The following ZBTB49 variants were observed in gnomAD, a reference collection of about 807,000 sequenced individuals.
The protein encoded by ZBTB49 is zinc finger and BTB domain-containing protein 49.
ZBTB49 carries 43 observed loss-of-function variants against 57.5 expected under a neutral mutation model. That is an observed-to-expected ratio of 0.75 (90% CI 0.59 to 0.97). The LOEUF is 0.97. ZBTB49 is among the 50% of genes least tolerant of loss of function. ZBTB49 has a pLI of 0.00. For synonymous variants in ZBTB49, 369 were observed against 362.1 expected (o/e 1.02, Z -0.22); for missense variants, 938 against 947.7 (o/e 0.99, Z 0.13).
chr4:4,301,999 C>G lies in ZBTB49; in HGVS notation c.163C>G (p.Gln55Glu), dbSNP rs1560107356. The G allele has an allele frequency of 6.5e-7, 1 of 1,529,670 alleles. No individual in the cohort carries two copies. Among genetic ancestry groups the G allele is most frequent in the African/African-American group, 1.4e-5 (1 of 72,454 alleles). 94.8% of individuals were successfully genotyped at this position (1,529,670 alleles called of 1,614,324 possible). ...TCTTTCTTTTACCAGGAGCCTCTTTCAGAATTCTTCAAGCCAGAAGAATGA... is the reference window on the plus strand; with the variant it reads ...TCTTTCTTTTACCAGGAGCCTCTTTGAGAATTCTTCAAGCCAGAAGAATGA... ...AFSQYFRSLF[Q>E]NSSSQKNDVF... The change falls in exon 3 of 8, where the codon CAG becomes GAG. Residue 55 changes from glutamine (Q) to glutamate (E), a missense_variant. This residue lies in a region of ZBTB49 where 100 missense variants were observed against 112.5 expected (regional missense o/e 0.89). Transcript: ENST00000337872.
chr4:4,312,873 C>G (rs1479655634), intron 4 of ZBTB49, among the ~76,000 whole-genome samples, 168 bp from the exon 5 acceptor site: 2 of 152,186 alleles, frequency 1.3e-5, no homozygotes, highest in Non-Finnish European at 2.9e-5. Flanking sequence ...ACTCTGGCTG[C>G]TCTTCACGCT....
At position 4,317,671 on chromosome 4, in the gene ZBTB49, C is replaced by T. The variant is rs138735102; in HGVS notation, c.1621+1701C>T. On this transcript the variant is annotated intron_variant, in intron 7 of 7. Transcript: ENST00000337872. ...TTGTGTGGGGGTGTGTTTCCATTTT[C>T]TTGGATATATAGACAGTTCTCTTTT... 1.6e-4 allele frequency among the ~76,000 whole-genome samples: 25 copies of T among 152,104 alleles called. No homozygotes were observed. The East Asian group carries it at 4.8e-3, about 29-fold the overall frequency.
At chr4:4,291,738 G>C (rs1719935180) in intron 1 of ZBTB49, among the ~76,000 whole-genome samples, 1 of 152,146 alleles carries the variant, frequency 6.6e-6, no homozygotes, top group Non-Finnish European at 1.5e-5. Context: ...CATTTTTTTA[G>C]TCTGGCAAAC....
chr4:4,320,911 A>G lies in ZBTB49; in HGVS notation c.1893A>G (p.Lys631=), dbSNP rs138109072. ...TGACGCTGATGCCAGTGTCGGTTAA[A>G]CTCCCTGTCCACCCAGTGGAAAATT... ...TSVTLMPVSV[K]LPVHPVENSV... Residue 631 remains lysine (K), a synonymous_variant, in exon 8 of 8, where the codon AAA becomes AAG. Coordinates refer to ENST00000337872, the MANE Select transcript of ZBTB49 (RefSeq NM_145291.4). The G allele has an allele frequency of 1.4e-5, 23 of 1,613,728 alleles. No homozygotes were observed. The highest frequency in any genetic ancestry group is 1.9e-5 in the Non-Finnish European group (22 of 1,180,000).
rs10626183 is a variant in ZBTB49, at chr4:4,294,872, C to CGTGTGTGTGT, written c.-20+4555_-20+4564dup. ...TTAACAGGTCTGTGGAGGAGGGTTT[C>CGTGTGTGTGT]GTGTGTGTGTGTGTGTGTGTGTGTG... On this transcript the variant is annotated intron_variant, in intron 1 of 7. Coordinates refer to ENST00000337872, the MANE Select transcript of ZBTB49 (RefSeq NM_145291.4). Among the ~76,000 whole-genome samples, 1,184 of 138,086 alleles carry CGTGTGTGTGT rather than the reference C, an allele frequency of 8.6e-3. 5 individuals are homozygous for CGTGTGTGTGT. The highest frequency in any genetic ancestry group is 0.011 in the Non-Finnish European group (728 of 63,832). 90.6% of individuals were successfully genotyped at this position (138,086 alleles called of 152,430 possible).
chr4:4,320,768 A>T lies in ZBTB49; in HGVS notation c.1750A>T (p.Met584Leu), dbSNP rs1010654568. The part of the protein sequence containing the change: ...RSAVLRRHKK[M>L]HCKAGDESPD... ...TGCGGTGCTCCGGCGGCACAAGAAGATGCACTGCAAAGCTGGTGACGAGAG... is the reference window on the plus strand; with the variant it reads ...TGCGGTGCTCCGGCGGCACAAGAAGTTGCACTGCAAAGCTGGTGACGAGAG... The change falls in exon 8 of 8, where the codon ATG becomes TTG. Residue 584 changes from methionine to leucine, a missense_variant. Physicochemically the swap from Met to Leu is conservative, Grantham distance 15. This residue lies in a region of ZBTB49 where 835 missense variants were observed against 819.1 expected (regional missense o/e 1.02). Coordinates refer to ENST00000337872, the MANE Select transcript of ZBTB49 (RefSeq NM_145291.4). The T allele has an allele frequency of 6.2e-7, 1 of 1,614,206 alleles. No individual in the cohort carries two copies. Among genetic ancestry groups the T allele is most frequent in the African/African-American group, 1.3e-5 (1 of 75,046 alleles).
At position 4,302,989 on chromosome 4, in the gene ZBTB49, C is replaced by A. The variant is rs1224043611; in HGVS notation, c.1153C>A (p.Gln385Lys). The change falls in exon 3 of 8, where the codon CAG (glutamine) becomes AAG (lysine). Residue 385 changes from glutamine to lysine, a missense_variant. Coordinates refer to ENST00000337872, the MANE Select transcript of ZBTB49 (RefSeq NM_145291.4). ...TGAAGACCCGGCTGCCCTGGAAGAC[C>A]AGTCCCAGACACTTCAGTCCCAGAG... ...RPEDPAALED[Q>K]SQTLQSQRQY... 26 of 1,614,204 alleles carry A rather than the reference C, an allele frequency of 1.6e-5. No individual in the cohort carries two copies. Among genetic ancestry groups the A allele is most frequent in the Non-Finnish European group, 2.1e-5 (25 of 1,180,034 alleles).
chr4:4,315,143 C>T (rs760685532), intron 5 of ZBTB49, among the ~76,000 whole-genome samples: 5 of 152,186 alleles, frequency 3.3e-5, no homozygotes, highest in Non-Finnish European at 7.3e-5. Flanking sequence ...GTGAAAAGAG[C>T]GAGAGTCGCA....
Position 4,310,424 on chromosome 4 carries a change from G to A in ZBTB49, c.1303-2617G>A, listed in dbSNP as rs1720934965. Among the ~76,000 whole-genome samples, 4 of 151,912 alleles carry A rather than the reference G, an allele frequency of 2.6e-5. No homozygotes were observed. In the South Asian group the frequency reaches 8.3e-4, roughly 32 times the overall value. On this transcript the variant is annotated intron_variant, in intron 4 of 7. Coordinates refer to ENST00000337872, the MANE Select transcript of ZBTB49 (RefSeq NM_145291.4). ...CTTTACAAGACATTGTGATGACTAAGTTAAATACTCTTCGCAACGGTTTAG... is the reference window on the plus strand; with the variant it reads ...CTTTACAAGACATTGTGATGACTAAATTAAATACTCTTCGCAACGGTTTAG...
chr4:4,300,998 TAG>T (rs1352723895), intron 2 of ZBTB49, among the ~76,000 whole-genome samples: 1 of 152,222 alleles, frequency 6.6e-6, no homozygotes, highest in Non-Finnish European at 1.5e-5. Context: ...AGTTATTGTA[TAG>T]ACCACATTAC....
At chr4:4,307,942 C>G (rs1186337194) in intron 4 of ZBTB49, among the ~76,000 whole-genome samples, 2 of 152,174 alleles carry the variant, frequency 1.3e-5, no homozygotes, top group African/African-American at 4.8e-5. Context: ...CCATAGCTGA[C>G]CATATAAGTT....
chr4:4,304,880 A>C (rs1025990229), intron 3 of ZBTB49, among the ~76,000 whole-genome samples: 1 of 152,124 alleles, frequency 6.6e-6, no homozygotes, highest in African/African-American at 2.4e-5. Flanking sequence ...TTTCATTTCC[A>C]GTATGGTAGA....
chr4:4,320,717 A>G lies in ZBTB49; in HGVS notation c.1699A>G (p.Ile567Val), dbSNP rs758449141. ...TGGGGAGAAGCCGTACACATGTGAGATCTGTAACAAGTGCTTTACCCGCTC... is the reference window on the plus strand; with the variant it reads ...TGGGGAGAAGCCGTACACATGTGAGGTCTGTAACAAGTGCTTTACCCGCTC... ...HTGEKPYTCE[I>V]CNKCFTRSAV... Residue 567 changes from isoleucine to valine, a missense_variant, in exon 8 of 8, where the codon ATC becomes GTC. Ile to Val is a conservative substitution (Grantham distance 29). Around this residue, in one of 3 missense-constraint regions of ZBTB49, gnomAD observed 835 missense variants for 819.1 expected, o/e 1.02. Coordinates refer to ENST00000337872, the MANE Select transcript of ZBTB49 (RefSeq NM_145291.4). 1.9e-6 allele frequency: 3 copies of G among 1,614,154 alleles called. No individual in the cohort carries two copies. The highest frequency in any genetic ancestry group is 8.5e-7 in the Non-Finnish European group (1 of 1,180,026).
chr4:4,299,950 A>G lies in ZBTB49; in HGVS notation c.5A>G (p.Asp2Gly). The G allele has an allele frequency of 6.2e-7, 1 of 1,614,046 alleles. No individual in the cohort carries two copies. The highest frequency in any genetic ancestry group is 1.1e-5 in the South Asian group (1 of 91,084). The change falls in exon 2 of 8, where the codon GAC (aspartate) becomes GGC (glycine). Residue 2 changes from aspartate (D) to glycine (G), a missense_variant. Coordinates refer to ENST00000337872, the MANE Select transcript of ZBTB49 (RefSeq NM_145291.4). The part of the protein sequence containing the change: M[D>G]PVATHSCHLL... ...AGGTCACCTGAATGGTTGAGCATGG[A>G]CCCTGTTGCTACCCACAGCTGCCAT...
chr4:4,314,778 A>C (rs1721118560), intron 5 of ZBTB49, among the ~76,000 whole-genome samples: 1 of 152,222 alleles, frequency 6.6e-6, no homozygotes, highest in South Asian at 2.1e-4. Context: ...TCCACATCTG[A>C]GGGCTTGGGT....
Position 4,315,719 on chromosome 4 carries a change from G to A in ZBTB49, c.1459+1G>A. On this transcript the variant is annotated splice_donor_variant, in intron 6 of 7. Coordinates refer to ENST00000337872, the MANE Select transcript of ZBTB49 (RefSeq NM_145291.4). LOFTEE classifies it high-confidence loss of function. ...CACTTGTGTGACATCTGTGGTCGAGGTACAGCTGAGTGTTTTCCTATTCTT... is the reference window on the plus strand; with the variant it reads ...CACTTGTGTGACATCTGTGGTCGAGATACAGCTGAGTGTTTTCCTATTCTT... 4 of 1,613,568 alleles carry A rather than the reference G, an allele frequency of 2.5e-6. No homozygotes were observed. Among genetic ancestry groups the A allele is most frequent in the Non-Finnish European group, 3.4e-6 (4 of 1,180,008 alleles).
Position 4,296,653 on chromosome 4 carries a change from C to T in ZBTB49, c.-19-3274C>T, listed in dbSNP as rs150726366. 8.8e-3 allele frequency among the ~76,000 whole-genome samples: 1,336 copies of T among 152,228 alleles called. 9 individuals carry two copies. The highest frequency in any genetic ancestry group is 0.011 in the Admixed American group (166 of 15,296). ...TATGTCCTTATCAGCAGCATGAAAACGGACTAATACACAAGGTGAGAAAGG... is the reference window on the plus strand; with the variant it reads ...TATGTCCTTATCAGCAGCATGAAAATGGACTAATACACAAGGTGAGAAAGG... On this transcript the variant is annotated intron_variant, in intron 1 of 7. Transcript: ENST00000337872.
intron 4 of ZBTB49, among the ~76,000 whole-genome samples, chr4:4,310,461 A>G (rs1720939326): frequency 6.6e-6 from 1 of 152,058 alleles, no homozygotes; most frequent in South Asian, 2.1e-4. Context: ...AAAGAGCTTC[A>G]TTCATAGTAA....
rs1721160278 is a variant in ZBTB49, at chr4:4,315,651, C to T, written c.1392C>T (p.Gly464=). 4 of 1,614,092 alleles carry T rather than the reference C, an allele frequency of 2.5e-6. No individual in the cohort carries two copies. Among genetic ancestry groups the T allele is most frequent in the Non-Finnish European group, 2.5e-6 (3 of 1,179,984 alleles). ...TACATTCTAGGTTTGCAGCCTCTGG[C>T]GACGTCCAGCGTCACATTATTATTC... ...EICGKRFAAS[G]DVQRHIIIHS... Residue 464 remains glycine (G), a synonymous_variant, in exon 6 of 8, where the codon GGC becomes GGT. Transcript: ENST00000337872.
Sources: allele counts gnomAD v4.1 joint callset (sites outside exome capture counted in the v4.1 genomes callset), GRCh38; gene constraint gnomAD v4.1.1; regional missense constraint gnomAD v4.1.1; transcripts MANE v1.5; gene names NCBI Gene and HGNC (gene_info 2026-07-23, HGNC 2026-07-21).